The following DMTN variants were observed in gnomAD, a reference collection of about 807,000 sequenced individuals.
DMTN encodes dematin.
DMTN carries 27 observed loss-of-function variants against 59.4 expected under a neutral mutation model. That is an observed-to-expected ratio of 0.45 (90% CI 0.33 to 0.63). The LOEUF (loss-of-function observed/expected upper bound fraction) is 0.63. Among genes scored for constraint, DMTN ranks in the 20% least tolerant of loss-of-function variants. The pLI is 0.02. For synonymous variants in DMTN, 221 were observed against 203.7 expected (o/e 1.08, Z -0.72); for missense variants, 451 against 528.9 (o/e 0.85, Z 1.45).
chr8:22,082,011 CCGCT>C lies in DMTN; in HGVS notation c.*552_*555del, dbSNP rs1242559169. On this transcript the variant is annotated 3_prime_UTR_variant, in exon 16 of 16. Coordinates refer to ENST00000358242, the MANE Select transcript of DMTN (RefSeq NM_001387751.1). ...CCTCCACTTCAGCTTGCCCTGACCT[CCGCT>C]CGCAAACCCCGAGCTTCCAAGCCTT... is the stretch of plus-strand genomic sequence containing the variant. 2.2e-6 allele frequency: 1 copy of C among 456,850 alleles called. No homozygotes were observed. Among genetic ancestry groups the C allele is most frequent in the African/African-American group, 2.0e-5 (1 of 50,086 alleles). 28.3% of individuals were successfully genotyped at this position (456,850 alleles called of 1,614,324 possible). A position where few individuals can be genotyped will look rare whatever the true frequency, so the allele number is the denominator to read the frequency against.
upstream of DMTN, among the ~76,000 whole-genome samples, chr8:22,051,772 C>T (rs544907636): frequency 8.5e-5 from 13 of 152,282 alleles, no homozygotes; most frequent in African/African-American, 2.2e-4. Flanking sequence ...AATATCCACT[C>T]GCTCCCTACA....
upstream of DMTN, among the ~76,000 whole-genome samples, chr8:22,056,739 A>G (rs1027341675): frequency 1.3e-5 from 2 of 152,104 alleles, no homozygotes; most frequent in Non-Finnish European, 2.9e-5. Flanking sequence ...TGCCAGCCAC[A>G]CGCTATCAGC....
chr8:22,067,826 C>A, intron 4 of DMTN, 144 bp downstream of exon 4: 1 of 960,008 alleles, frequency 1.0e-6, no homozygotes, highest in Non-Finnish European at 1.5e-6. Flanking sequence ...ACCAACCAGT[C>A]AGTCCATCCG....
At position 22,082,354 on chromosome 8, in the gene DMTN, AC is replaced by A. The variant is rs879157416; in HGVS notation, c.*896del. ...CTCACCTGCCCCTGCCCTACCTTAC[AC>A]CCCCAGCTTGACTTCTTTCCAGTCC... On this transcript the variant is annotated 3_prime_UTR_variant, in exon 16 of 16. Transcript: ENST00000358242. 4 of 389,932 alleles carry A rather than the reference AC, an allele frequency of 1.0e-5. No homozygotes were observed. Among genetic ancestry groups the A allele is most frequent in the South Asian group, 5.4e-5 (3 of 55,562 alleles). 24.2% of individuals were successfully genotyped at this position (389,932 alleles called of 1,614,324 possible). A position where few individuals can be genotyped will look rare whatever the true frequency, so the allele number is the denominator to read the frequency against.
chr8:22,076,287 A>G (rs1391151116), intron 10 of DMTN, among the ~76,000 whole-genome samples: 2 of 151,962 alleles, frequency 1.3e-5, no homozygotes, highest in Non-Finnish European at 2.9e-5. Context: ...AAGATTGTAC[A>G]GAGAGAGGAG....
intron 1 of DMTN, among the ~76,000 whole-genome samples, chr8:22,061,455 G>A (rs372114112): frequency 1.8e-4 from 27 of 152,280 alleles, no homozygotes; most frequent in East Asian, 9.7e-4. Context: ...ATTTGTGCAC[G>A]TGTGAGTATG....
At chr8:22,070,063 G>T in intron 7 of DMTN, 119 bp from the exon 8 acceptor site, 1 of 1,556,350 alleles carries the variant, frequency 6.4e-7, no homozygotes, top group Non-Finnish European at 8.8e-7. Flanking sequence ...TGTGCCCCGT[G>T]CTCAGCGTGT....
chr8:22,069,491 A>G lies in DMTN; in HGVS notation c.367A>G (p.Thr123Ala). Residue 123 changes from threonine (T) to alanine (A), a missense_variant, in exon 6 of 16, where the codon ACC becomes GCC. Thr to Ala is a moderately conservative substitution (Grantham distance 58). Coordinates refer to ENST00000358242, the MANE Select transcript of DMTN (RefSeq NM_001387751.1). ...SAPRTTGTPR[T>A]SLPHFHHPET... ...CCCCAGAACCACTGGAACCCCCCGG[A>G]CCAGCCTGCCCCATTTCCACCACCC... The G allele has an allele frequency of 6.2e-7, 1 of 1,610,844 alleles. No homozygotes were observed. The highest frequency in any genetic ancestry group is 8.5e-7 in the Non-Finnish European group (1 of 1,178,606).
chr8:22,080,800 C>T lies in DMTN; in HGVS notation c.958-5C>T. On this transcript the variant is annotated splice_polypyrimidine_tract_variant and splice_region_variant and intron_variant, in intron 13 of 15. Transcript: ENST00000358242. ...TCTGGCTCACTGCGGCTTTGGTCTC[C>T]CCAGAACGGAGAGGGCCAGAGGGGG... The T allele has an allele frequency of 6.2e-7, 1 of 1,607,324 alleles. No homozygotes were observed. Among genetic ancestry groups the T allele is most frequent in the Non-Finnish European group, 8.5e-7 (1 of 1,176,634 alleles).
At chr8:22,074,800 A>G (rs1026775645) in intron 10 of DMTN, among the ~76,000 whole-genome samples, 1 of 152,120 alleles carries the variant, frequency 6.6e-6, no homozygotes, top group African/African-American at 2.4e-5. Flanking sequence ...GTGGCCCACT[A>G]TCCAGCGCAC....
upstream of DMTN, among the ~76,000 whole-genome samples, chr8:22,052,352 T>C (rs1415713992): frequency 1.3e-5 from 2 of 152,206 alleles, no homozygotes; most frequent in African/African-American, 2.4e-5. Flanking sequence ...AATAAACCAC[T>C]TGAAGCCCTA....
Position 22,081,361 on chromosome 8 carries a change from T to A in DMTN, c.1116T>A (p.Ser372=). The part of the protein sequence containing the change: ...VDRMRLERHL[S]AEDFSRVFAM... ...ATTCCCCCATGTAGAGGCATCTGTCTGCCGAGGACTTCTCAAGGGTATTTG... is the reference window on the plus strand; with the variant it reads ...ATTCCCCCATGTAGAGGCATCTGTCAGCCGAGGACTTCTCAAGGGTATTTG... The change falls in exon 16 of 16, where the codon TCT becomes TCA. Residue 372 remains serine (S), a synonymous_variant. Transcript: ENST00000358242. The A allele has an allele frequency of 6.2e-7, 1 of 1,614,074 alleles. No individual in the cohort carries two copies. The highest frequency in any genetic ancestry group is 8.5e-7 in the Non-Finnish European group (1 of 1,179,958).
At position 22,081,687 on chromosome 8, in the gene DMTN, G is replaced by T; in HGVS notation, c.*224G>T. ...TCTCGTCCCTGGCCCTCCCTGCACA[G>T]GGCAAAGCCAGTCTGGGCTCTGGCA... On this transcript the variant is annotated 3_prime_UTR_variant, in exon 16 of 16. Coordinates refer to ENST00000358242, the MANE Select transcript of DMTN (RefSeq NM_001387751.1). 1 of 600,056 alleles carries T rather than the reference G, an allele frequency of 1.7e-6. No homozygotes were observed. Among genetic ancestry groups the T allele is most frequent in the Non-Finnish European group, 3.0e-6 (1 of 332,124 alleles). The allele number at this position is 600,056 out of a possible 1,614,324, so 37.2% of individuals were successfully genotyped here.
At chr8:22,049,938 T>C (rs1200044037), upstream of DMTN, among the ~76,000 whole-genome samples, 1 of 151,956 alleles carries the variant, frequency 6.6e-6, no homozygotes, top group Non-Finnish European at 1.5e-5. Flanking sequence ...GCAGCTACAG[T>C]CTCAGTTGAT....
intron 10 of DMTN, 71 bp from the exon 11 acceptor site, chr8:22,080,109 T>G: frequency 4.0e-5 from 63 of 1,572,054 alleles, no homozygotes; most frequent in Non-Finnish European, 5.3e-5. Context: ...GGAAGGCCAG[T>G]GAGGTTGCTG....
At chr8:22,055,300 C>T (rs571602781), upstream of DMTN, among the ~76,000 whole-genome samples, 7 of 152,092 alleles carry the variant, frequency 4.6e-5, 1 homozygote, top group South Asian at 4.2e-4. Flanking sequence ...CGGGGTGCGG[C>T]GGGGATCAGG....
intron 1 of DMTN, among the ~76,000 whole-genome samples, chr8:22,057,593 G>T (rs185129941): frequency 3.0e-4 from 46 of 152,328 alleles, no homozygotes; most frequent in Admixed American, 2.8e-3. Context: ...TTTTTAGGGG[G>T]AGTGGGAGGA....
Position 22,066,763 on chromosome 8 carries a change from C to A in DMTN, c.-113C>A. 8.1e-7 allele frequency: 1 copy of A among 1,234,212 alleles called. No homozygotes were observed. The highest frequency in any genetic ancestry group is 1.1e-6 in the Non-Finnish European group (1 of 949,284). The allele number at this position is 1,234,212 out of a possible 1,614,324, so 76.5% of individuals were successfully genotyped here. A position where few individuals can be genotyped will look rare whatever the true frequency, so the allele number is the denominator to read the frequency against. ...CCAGCCCGGGGGAACGCGCCAGCTG[C>A]TTTCGCGGCCCCAAGCGCGCAGCGC... On this transcript the variant is annotated 5_prime_UTR_variant, in exon 2 of 16. Transcript: ENST00000358242.
chr8:22,073,927 A>G (rs991895950), intron 10 of DMTN, 92 bp downstream of exon 10: 16 of 1,017,264 alleles, frequency 1.6e-5, no homozygotes, highest in East Asian at 2.4e-5. Context: ...ACAGGATGCA[A>G]TCCCTGACCC....
Sources: allele counts gnomAD v4.1 joint callset (sites outside exome capture counted in the v4.1 genomes callset), GRCh38; gene constraint gnomAD v4.1.1; transcripts MANE v1.5; gene names NCBI Gene and HGNC (gene_info 2026-07-23, HGNC 2026-07-21).